The following RBFOX1 variants were observed in gnomAD, a reference collection of about 807,000 sequenced individuals.
RBFOX1 encodes RNA binding protein fox-1 homolog 1.
RBFOX1 carries 8 observed loss-of-function variants against 57.7 expected under a neutral mutation model. The ratio of observed to expected loss-of-function variants is 0.14; its 90% CI spans 0.08 to 0.25. The LOEUF (loss-of-function observed/expected upper bound fraction) is 0.25. RBFOX1 is among the 10% of genes least tolerant of loss of function. RBFOX1 has a pLI of 1.00. For synonymous variants in RBFOX1, 326 were observed against 222.4 expected, an observed-to-expected ratio of 1.47 and a Z score of -4.15; for missense variants, 611 against 548.5, an observed-to-expected ratio of 1.11 and a Z score of -1.14.
At chr16:6,767,855 A>C (rs1037800726) in intron 3 of RBFOX1, among the ~76,000 whole-genome samples, 2 of 151,338 alleles carry the variant, frequency 1.3e-5, no homozygotes, top group Admixed American at 1.3e-4. Flanking sequence ...TGGAGGTTGC[A>C]GTGAGCCGAG....
chr16:5,844,110 G>C (rs2056691986), intron 3 of RBFOX1, among the ~76,000 whole-genome samples: 1 of 152,182 alleles, frequency 6.6e-6, no homozygotes. Flanking sequence ...CAAAGGGATG[G>C]CTCCTTCTGA....
chr16:5,323,043 A>G (rs532895994), intron 1 of RBFOX1, among the ~76,000 whole-genome samples: 10 of 152,314 alleles, frequency 6.6e-5, no homozygotes, highest in African/African-American at 2.2e-4. Flanking sequence ...TGGATAAGTC[A>G]TTCTGCCTCT....
At chr16:5,719,033 T>C (rs1003228682) in intron 3 of RBFOX1, among the ~76,000 whole-genome samples, 1 of 151,806 alleles carries the variant, frequency 6.6e-6, no homozygotes, top group Non-Finnish European at 1.5e-5. Context: ...ACTGAGATCA[T>C]GTGTATAAGT....
At chr16:5,748,666 C>A (rs1456570412) in intron 3 of RBFOX1, among the ~76,000 whole-genome samples, 10 of 152,102 alleles carry the variant, frequency 6.6e-5, no homozygotes, top group Non-Finnish European at 1.5e-5. Context: ...GGTTTAAAGT[C>A]TGTTTTATCC....
At chr16:5,434,946 T>G (rs1370432736) in intron 1 of RBFOX1, among the ~76,000 whole-genome samples, 1 of 152,252 alleles carries the variant, frequency 6.6e-6, no homozygotes, top group Non-Finnish European at 1.5e-5. Context: ...CCTCCATCTC[T>G]TTCCTCCTGC....
intron 4 of RBFOX1, among the ~76,000 whole-genome samples, chr16:7,214,586 C>T (rs1311091175): frequency 4.6e-5 from 7 of 152,028 alleles, no homozygotes; most frequent in Non-Finnish European, 1.0e-4. Context: ...CCTACCTCAT[C>T]GTCTGCAGCC....
chr16:5,656,274 G>A (rs949352946), intron 3 of RBFOX1, among the ~76,000 whole-genome samples: 2 of 152,040 alleles, frequency 1.3e-5, no homozygotes, highest in Non-Finnish European at 2.9e-5. Flanking sequence ...TGTCTTTCAG[G>A]ATGAAAAAAG....
Position 6,761,263 on chromosome 16 carries a change from G to C in RBFOX1, c.-16+106613G>C, listed in dbSNP as rs151272710. On this transcript the variant is annotated intron_variant, in intron 3 of 15. Coordinates refer to ENST00000550418, the MANE Select transcript of RBFOX1 (RefSeq NM_018723.4). ...AAAAAGTAATCAATTTAATCCGTCCGAAGGGCTAAGTGATTCAGAGAACTG... is the reference window on the plus strand; with the variant it reads ...AAAAAGTAATCAATTTAATCCGTCCCAAGGGCTAAGTGATTCAGAGAACTG... Among the ~76,000 whole-genome samples the C allele has an allele frequency of 1.9e-3, 288 of 152,200 alleles. 1 individual carries two copies. Among genetic ancestry groups the C allele is most frequent in the African/African-American group, 6.7e-3 (280 of 41,552 alleles).
rs2091709891 is a variant in RBFOX1, at chr16:7,214,539, G to A, written c.27+162441G>A. On this transcript the variant is annotated intron_variant, in intron 4 of 15. Transcript: ENST00000550418. ...TCATCCGTCTCTCAGACAGGAAACC[G>A]CTGTGGTTTCTGCTTGGTCACCCCA... Among the ~76,000 whole-genome samples the A allele has an allele frequency of 2.6e-5, 4 of 151,916 alleles. 1 individual carries two copies. Among genetic ancestry groups the A allele is most frequent in the South Asian group, 4.2e-4 (2 of 4,804 alleles).
intron 13 of RBFOX1, 138 bp downstream of exon 13, chr16:7,665,106 T>C (rs8064206): frequency 0.99 from 1,543,354 of 1,554,510 alleles, 766,806 homozygotes; most frequent in East Asian, 1. Context: ...TGGTTTGTCT[T>C]GCAGGACAGA....
chr16:6,866,634 C>G (rs964155714), intron 3 of RBFOX1, among the ~76,000 whole-genome samples: 1 of 145,376 alleles, frequency 6.9e-6, no homozygotes. Flanking sequence ...CTCCGCCTCC[C>G]CGGTTCACGC....
At chr16:7,196,477 A>T (rs186723513) in intron 4 of RBFOX1, among the ~76,000 whole-genome samples, 1 of 152,218 alleles carries the variant, frequency 6.6e-6, no homozygotes, top group South Asian at 2.1e-4. Flanking sequence ...CAAAGGTCCA[A>T]TGGCTTCCCA....
At chr16:6,834,231 G>C (rs534826093) in intron 3 of RBFOX1, among the ~76,000 whole-genome samples, 1 of 151,886 alleles carries the variant, frequency 6.6e-6, no homozygotes, top group South Asian at 2.1e-4. Flanking sequence ...CCGCTAGCAC[G>C]CCCCATTAGT....
At chr16:5,864,682 A>G (rs1233235084) in intron 3 of RBFOX1, among the ~76,000 whole-genome samples, 8 of 152,068 alleles carry the variant, frequency 5.3e-5, no homozygotes, top group Admixed American at 4.6e-4. Flanking sequence ...AGTTTATAAT[A>G]TGGATGGATC....
chr16:5,596,536 G>C (rs2047189858), intron 2 of RBFOX1, among the ~76,000 whole-genome samples: 1 of 152,140 alleles, frequency 6.6e-6, no homozygotes, highest in South Asian at 2.1e-4. Flanking sequence ...ATTGGGCAAG[G>C]TACTGGGTCA....
intron 3 of RBFOX1, among the ~76,000 whole-genome samples, chr16:5,721,701 T>C (rs2051941478): frequency 6.6e-6 from 1 of 152,222 alleles, no homozygotes; most frequent in Non-Finnish European, 1.5e-5. Flanking sequence ...GCCAAATGCT[T>C]TCTCTGCATC....
At chr16:6,889,156 A>C (rs1022024977) in intron 3 of RBFOX1, among the ~76,000 whole-genome samples, 1 of 152,218 alleles carries the variant, frequency 6.6e-6, no homozygotes, top group Non-Finnish European at 1.5e-5. Flanking sequence ...TGTAACATTC[A>C]GTAGATCCCA....
chr16:6,671,311 C>T (rs1390054799), intron 3 of RBFOX1, among the ~76,000 whole-genome samples: 3 of 152,128 alleles, frequency 2.0e-5, no homozygotes, highest in Non-Finnish European at 2.9e-5. Flanking sequence ...GATGAATACA[C>T]TTGTGTCAGA....
intron 4 of RBFOX1, among the ~76,000 whole-genome samples, chr16:7,098,105 A>G (rs1422812042): frequency 6.6e-6 from 1 of 152,246 alleles, no homozygotes; most frequent in Non-Finnish European, 1.5e-5. Context: ...GGTACAAGTG[A>G]GGAAAGGAAC....
Sources: allele counts gnomAD v4.1 joint callset (sites outside exome capture counted in the v4.1 genomes callset), GRCh38; gene constraint gnomAD v4.1.1; transcripts MANE v1.5; gene names NCBI Gene and HGNC (gene_info 2026-07-23, HGNC 2026-07-21).